Variants in TGFB2 observed in about 807,000 individuals in gnomAD.
TGFB2 encodes transforming growth factor beta 2, also known as transforming growth factor beta-2 proprotein.
Under a neutral mutation model 42.7 loss-of-function variants are expected in TGFB2, and 13 were observed. The observed-to-expected ratio is 0.30, with a 90% CI of 0.20 to 0.48. TGFB2 has a LOEUF of 0.48. Among genes scored for constraint, TGFB2 ranks in the 20% least tolerant of loss-of-function variants. TGFB2 has a pLI of 0.99. For synonymous variants in TGFB2, 193 were observed against 193.6 expected, an observed-to-expected ratio of 1.00 and a Z score of 0.03; for missense variants, 390 against 517.5, an observed-to-expected ratio of 0.75 and a Z score of 2.39.
intron 1 of TGFB2, among the ~76,000 whole-genome samples, chr1:218,348,379 T>G (rs563995561): frequency 2.0e-5 from 3 of 152,224 alleles, no homozygotes; most frequent in African/African-American, 4.8e-5. Flanking sequence ...GCTTTTCTTT[T>G]TTAATATTTA....
intron 1 of TGFB2, among the ~76,000 whole-genome samples, chr1:218,360,503 G>A (rs1657174357): frequency 6.6e-6 from 1 of 152,058 alleles, no homozygotes; most frequent in Non-Finnish European, 1.5e-5. Flanking sequence ...ACACACACTG[G>A]GGTCTGTCAG....
intron 1 of TGFB2, among the ~76,000 whole-genome samples, chr1:218,349,310 A>G (rs1438302119): frequency 2.0e-5 from 3 of 152,192 alleles, no homozygotes; most frequent in Admixed American, 2.0e-4. Context: ...AGCACTTTTT[A>G]GTTATACTGG....
chr1:218,379,136 T>C (rs1657862958), intron 1 of TGFB2, among the ~76,000 whole-genome samples: 1 of 149,574 alleles, frequency 6.7e-6, no homozygotes, highest in South Asian at 2.1e-4. Flanking sequence ...CTTTCTTTTT[T>C]TTTTTTCTTT....
intron 1 of TGFB2, among the ~76,000 whole-genome samples, chr1:218,358,345 C>T (rs1657103705): frequency 6.6e-6 from 1 of 152,162 alleles, no homozygotes; most frequent in African/African-American, 2.4e-5. Context: ...GTCAGTGCTT[C>T]TTAGACCAAG....
intron 2 of TGFB2, among the ~76,000 whole-genome samples, chr1:218,419,405 A>G (rs1659384444): frequency 6.6e-6 from 1 of 152,160 alleles, no homozygotes; most frequent in African/African-American, 2.4e-5. Flanking sequence ...AAGATCTCAG[A>G]GTCGCTTTTC....
intron 1 of TGFB2, among the ~76,000 whole-genome samples, chr1:218,380,022 T>A (rs1401838480): frequency 6.6e-6 from 1 of 152,244 alleles, no homozygotes; most frequent in Non-Finnish European, 1.5e-5. Flanking sequence ...CGATATTCAT[T>A]TGATCCTGGC....
intron 2 of TGFB2, among the ~76,000 whole-genome samples, chr1:218,410,916 A>G (rs1395227522): frequency 2.6e-5 from 4 of 152,228 alleles, no homozygotes; most frequent in Non-Finnish European, 2.9e-5. Flanking sequence ...CATCTTCTAT[A>G]TGGGCAAGAA....
At chr1:218,375,076 G>A (rs1273192173) in intron 1 of TGFB2, among the ~76,000 whole-genome samples, 2 of 152,122 alleles carry the variant, frequency 1.3e-5, no homozygotes, top group South Asian at 4.2e-4. Flanking sequence ...GCTGAACGGA[G>A]GAAATTCAAG....
intron 2 of TGFB2, among the ~76,000 whole-genome samples, chr1:218,416,199 A>G (rs1488563127): frequency 6.6e-6 from 1 of 151,924 alleles, no homozygotes; most frequent in African/African-American, 2.4e-5. Flanking sequence ...GTGTCTTTTT[A>G]TCTCATCTCC....
At chr1:218,427,505 C>T (rs1558258934) in intron 2 of TGFB2, among the ~76,000 whole-genome samples, 1 of 152,114 alleles carries the variant, frequency 6.6e-6, no homozygotes, top group African/African-American at 2.4e-5. Flanking sequence ...TCAGGACAAG[C>T]CCCAGTGTGT....
chr1:218,413,614 G>C (rs1659175567), intron 2 of TGFB2, among the ~76,000 whole-genome samples: 1 of 152,164 alleles, frequency 6.6e-6, no homozygotes, highest in African/African-American at 2.4e-5. Flanking sequence ...CCCTATTTAA[G>C]ATTTTTTCAA....
intron 1 of TGFB2, among the ~76,000 whole-genome samples, chr1:218,403,044 A>ATGC (rs1171914885): frequency 1.3e-5 from 2 of 152,184 alleles, no homozygotes; most frequent in Non-Finnish European, 2.9e-5. Context: ...CCTTGTCAAA[A>ATGC]TGCTGTGTGC....
intron 4 of TGFB2, 35 bp from the exon 5 acceptor site, chr1:218,435,935 G>A (rs1259897131): frequency 6.4e-7 from 1 of 1,572,118 alleles, no homozygotes; most frequent in Non-Finnish European, 8.6e-7. Context: ...TGAAGGTGAA[G>A]CTAAATGTTT....
At chr1:218,420,529 G>A (rs931620842) in intron 2 of TGFB2, among the ~76,000 whole-genome samples, 1 of 152,022 alleles carries the variant, frequency 6.6e-6, no homozygotes, top group East Asian at 1.9e-4. Context: ...TCAGCACAAA[G>A]GTTCATCTGT....
At chr1:218,434,533 A>C in intron 4 of TGFB2, 85 bp downstream of exon 4, 1 of 848,670 alleles carries the variant, frequency 1.2e-6, no homozygotes, top group South Asian at 1.6e-5. Flanking sequence ...TTTGCATGTG[A>C]AAATGAGACT....
chr1:218,384,861 G>C (rs1658081217), intron 1 of TGFB2, among the ~76,000 whole-genome samples: 2 of 152,178 alleles, frequency 1.3e-5, no homozygotes. Flanking sequence ...AGTGAAGCCC[G>C]ATTGTCTCTG....
intron 2 of TGFB2, among the ~76,000 whole-genome samples, chr1:218,431,254 T>G (rs1659797999): frequency 6.6e-6 from 1 of 152,348 alleles, no homozygotes; most frequent in Admixed American, 6.5e-5. Context: ...ACCAGTGCTC[T>G]GTGGTTGAGG....
chr1:218,376,490 T>C (rs1326962186), intron 1 of TGFB2, among the ~76,000 whole-genome samples: 3 of 152,200 alleles, frequency 2.0e-5, no homozygotes, highest in Admixed American at 6.5e-5. Flanking sequence ...ATGAGATAGG[T>C]AGGGATGAGT....
chr1:218,414,387 C>T (rs1334869739), intron 2 of TGFB2, among the ~76,000 whole-genome samples: 1 of 152,124 alleles, frequency 6.6e-6, no homozygotes, highest in African/African-American at 2.4e-5. Context: ...AACAAAAAGT[C>T]ATACTGTGCT....
Sources: gnomAD v4.1 joint callset for allele counts (sites outside exome capture counted in the v4.1 genomes callset) on GRCh38, gnomAD v4.1.1 for gene constraint, MANE v1.5 for transcripts, NCBI Gene and HGNC (gene_info 2026-07-23, HGNC 2026-07-21) for gene names.